TMEM181: variants seen among roughly 807,000 people sequenced by gnomAD.
The protein encoded by TMEM181 is G protein-coupled receptor 178.
In TMEM181, 39 loss-of-function variants were observed where a neutral mutation model predicts 71.9. The observed-to-expected ratio is 0.54, with a 90% CI of 0.42 to 0.71. The LOEUF (loss-of-function observed/expected upper bound fraction) is 0.71, where lower values mean the gene tolerates loss of function less well. Among genes scored for constraint, TMEM181 ranks in the 30% least tolerant of loss-of-function variants. TMEM181 has a pLI of 0.00. For synonymous variants in TMEM181, 245 were observed against 228.8 expected (o/e 1.07, Z -0.64); for missense variants, 595 against 583.0 (o/e 1.02, Z -0.21).
At chr6:158,621,055 G>A (rs1785926179) in intron 10 of TMEM181, among the ~76,000 whole-genome samples, 1 of 152,152 alleles carries the variant, frequency 6.6e-6, no homozygotes, top group Admixed American at 6.5e-5. Flanking sequence ...TTTTGTGTCT[G>A]TTCCCCATAC....
At chr6:158,611,439 G>C (rs1453252798) in intron 10 of TMEM181, 1 of 539,020 alleles carries the variant, frequency 1.9e-6, no homozygotes, top group Admixed American at 2.0e-5. Context: ...AAGTCTATCC[G>C]TCTTCCTTTT....
intron 10 of TMEM181, among the ~76,000 whole-genome samples, chr6:158,612,773 A>G (rs769144250): frequency 3.9e-5 from 6 of 152,226 alleles, no homozygotes; most frequent in Non-Finnish European, 7.3e-5. Flanking sequence ...TCCTGCTGTA[A>G]GGATAGTAAT....
chr6:158,588,861 A>AG (rs1238921397), intron 5 of TMEM181, among the ~76,000 whole-genome samples: 3 of 152,242 alleles, frequency 2.0e-5, no homozygotes, highest in African/African-American at 7.2e-5. Flanking sequence ...AGAAAGCCAG[A>AG]GAACCACCCG....
intron 10 of TMEM181, among the ~76,000 whole-genome samples, chr6:158,613,461 A>G (rs574373847): frequency 1.5e-4 from 23 of 152,218 alleles, no homozygotes; most frequent in Non-Finnish European, 2.9e-4. Flanking sequence ...ATGGATTTGT[A>G]CCATTAAATA....
chr6:158,566,194 A>G (rs762494476), intron 1 of TMEM181, among the ~76,000 whole-genome samples: 1 of 152,044 alleles, frequency 6.6e-6, no homozygotes, highest in Non-Finnish European at 1.5e-5. Context: ...GAGGCAGGTC[A>G]TGTGTGAGGT....
chr6:158,631,234 A>C (rs934925263), intron 15 of TMEM181, 89 bp from the exon 16 acceptor site: 2 of 1,373,024 alleles, frequency 1.5e-6, no homozygotes, highest in Admixed American at 1.7e-5. Context: ...GTTCTTTCCA[A>C]CTCCCTTCCT....
intron 10 of TMEM181, among the ~76,000 whole-genome samples, chr6:158,618,438 C>G (rs1451635329): frequency 6.6e-6 from 1 of 152,172 alleles, no homozygotes; most frequent in East Asian, 1.9e-4. Flanking sequence ...GGTCTTGACT[C>G]TTTATCCAAT....
chr6:158,611,505 A>C (rs1785308807), intron 10 of TMEM181: 1 of 516,228 alleles, frequency 1.9e-6, no homozygotes, highest in East Asian at 5.5e-5. Context: ...TTCAGTTGCA[A>C]ATTAAGAGTT....
chr6:158,549,402 C>A (rs1315398083), intron 1 of TMEM181, among the ~76,000 whole-genome samples: 1 of 152,180 alleles, frequency 6.6e-6, no homozygotes, highest in Non-Finnish European at 1.5e-5. Context: ...GTGTGAGCCA[C>A]TGTGCCTGGC....
At chr6:158,555,422 G>A (rs1454967688), upstream of TMEM181, among the ~76,000 whole-genome samples, 2 of 152,154 alleles carry the variant, frequency 1.3e-5, no homozygotes, top group African/African-American at 4.8e-5. Context: ...CTAGGTTGTT[G>A]GTTTTGGTTT....
At chr6:158,610,774 TTGC>T (rs2128319463) in intron 10 of TMEM181, 6 of 313,280 alleles carry the variant, frequency 1.9e-5, no homozygotes, top group South Asian at 1.3e-4. Context: ...TGCTGCGTCA[TTGC>T]TGCTGCTGCT....
intron 1 of TMEM181, among the ~76,000 whole-genome samples, chr6:158,550,713 C>T (rs1189495358): frequency 2.6e-5 from 4 of 151,502 alleles, no homozygotes; most frequent in African/African-American, 9.7e-5. Context: ...CAGAGTAGTC[C>T]CCAATTTTAG....
At chr6:158,562,809 T>C (rs1782263070) in intron 1 of TMEM181, among the ~76,000 whole-genome samples, 1 of 152,234 alleles carries the variant, frequency 6.6e-6, no homozygotes, top group African/African-American at 2.4e-5. Context: ...GTTCACCATG[T>C]AGCAAGTGCC....
intron 10 of TMEM181, among the ~76,000 whole-genome samples, chr6:158,613,188 A>G (rs1444724464): frequency 2.0e-5 from 3 of 152,244 alleles, no homozygotes; most frequent in Admixed American, 6.5e-5. Context: ...GTCGAAAACC[A>G]TAAAAATTGA....
chr6:158,611,115 C>T lies in TMEM181; in HGVS notation c.896+2365C>T. 3 of 515,984 alleles carry T rather than the reference C, an allele frequency of 5.8e-6. No homozygotes were observed. The Admixed American group carries it at 6.1e-5, about 10-fold the overall frequency. The allele number at this position is 515,984 out of a possible 1,614,324, so 32.0% of individuals were successfully genotyped here. A position where few individuals can be genotyped will look rare whatever the true frequency, so the allele number is the denominator to read the frequency against. ...ACTGTCCTTTGGTCCCCAAGGGGCT[C>T]CTCAGTGGGTTTCTCCTGAGGGTCT... is the stretch of plus-strand genomic sequence containing the variant. On this transcript the variant is annotated intron_variant, in intron 10 of 16. Coordinates refer to ENST00000684151, the MANE Select transcript of TMEM181 (RefSeq NM_001376852.1).
intron 6 of TMEM181, among the ~76,000 whole-genome samples, chr6:158,600,140 A>G (rs1023484430): frequency 2.6e-5 from 4 of 152,290 alleles, no homozygotes; most frequent in African/African-American, 7.2e-5. Context: ...GATTAGCTAC[A>G]TTTATTGAAT....
chr6:158,583,155 C>T (rs548366490), intron 3 of TMEM181, among the ~76,000 whole-genome samples: 1 of 152,236 alleles, frequency 6.6e-6, no homozygotes, highest in African/African-American at 2.4e-5. Flanking sequence ...ATCACTTGAA[C>T]CTGGGAGGCA....
intron 6 of TMEM181, among the ~76,000 whole-genome samples, chr6:158,600,024 G>A (rs1784584430): frequency 1.3e-5 from 2 of 152,204 alleles, no homozygotes; most frequent in African/African-American, 4.8e-5. Context: ...AAGGCGCCGC[G>A]TGCCTCCTGC....
At chr6:158,614,842 A>T (rs2128322449) in intron 10 of TMEM181, among the ~76,000 whole-genome samples, 1 of 152,320 alleles carries the variant, frequency 6.6e-6, no homozygotes, top group African/African-American at 2.4e-5. Context: ...GCTGCATAGT[A>T]TTCCATGGTG....
Sources: gnomAD v4.1 joint callset for allele counts (sites outside exome capture counted in the v4.1 genomes callset) on GRCh38, gnomAD v4.1.1 for gene constraint, MANE v1.5 for transcripts, NCBI Gene and HGNC (gene_info 2026-07-23, HGNC 2026-07-21) for gene names.